PSMD8: variants seen among roughly 807,000 people sequenced by gnomAD.
PSMD8 encodes 26S proteasome non-ATPase regulatory subunit 8.
A neutral mutation model predicts 40.0 loss-of-function variants in PSMD8; 30 were observed. The observed-to-expected ratio is 0.75, with a 90% CI of 0.56 to 1.02. The LOEUF (loss-of-function observed/expected upper bound fraction) is 1.02, where lower values mean the gene tolerates loss of function less well. Among genes scored for constraint, PSMD8 ranks in the 50% least tolerant of loss-of-function variants. The pLI, the probability that PSMD8 is intolerant of heterozygous loss-of-function variation, is 0.00. For synonymous variants in PSMD8, 208 were observed against 192.5 expected, an observed-to-expected ratio of 1.08 and a Z score of -0.67; for missense variants, 461 against 463.9, an observed-to-expected ratio of 0.99 and a Z score of 0.06.
At chr19:38,379,103 C>G in intron 3 of PSMD8, 137 bp from the exon 4 acceptor site, 1 of 817,536 alleles carries the variant, frequency 1.2e-6, no homozygotes, top group Non-Finnish European at 1.9e-6. Flanking sequence ...GACACAGTTT[C>G]CTCATATGAA....
chr19:38,380,767 A>G (rs1970634042), intron 4 of PSMD8, 132 bp from the exon 5 acceptor site: 2 of 606,428 alleles, frequency 3.3e-6, no homozygotes, highest in Admixed American at 6.8e-5. Flanking sequence ...AAGAGGGGGT[A>G]CCCAGGGCAG....
chr19:38,375,274 C>T, intron 1 of PSMD8: 1 of 346,878 alleles, frequency 2.9e-6, no homozygotes, highest in Non-Finnish European at 5.3e-6. Flanking sequence ...GAGACTCTGT[C>T]TCTACATTTT....
Position 38,374,575 on chromosome 19 carries a change from G to A in PSMD8, c.-27G>A. On this transcript the variant is annotated 5_prime_UTR_variant, in exon 1 of 7. Transcript: ENST00000215071. ...CCAACTTCCGGTCACCATCTTGAGT[G>A]ACGACAGAGGCGGAGCTCCAACTGA... 6.9e-7 allele frequency: 1 copy of A among 1,441,246 alleles called. No individual in the cohort carries two copies. The highest frequency in any genetic ancestry group is 9.1e-7 in the Non-Finnish European group (1 of 1,100,646). 89.3% of individuals were successfully genotyped at this position (1,441,246 alleles called of 1,614,324 possible).
intron 6 of PSMD8, chr19:38,382,653 T>G: frequency 3.4e-6 from 1 of 293,068 alleles, no homozygotes; most frequent in Non-Finnish European, 6.3e-6. Context: ...TCCTCCCACC[T>G]AGGCTCACTC....
In PSMD8 at chr19:38,375,685, G is replaced by T. The variant is rs1006230591; in HGVS notation, c.361-475G>T. Among the ~76,000 whole-genome samples, 38 of 152,136 alleles carry T rather than the reference G, an allele frequency of 2.5e-4. 1 individual carries two copies. Among genetic ancestry groups the T allele is most frequent in the African/African-American group, 8.4e-4 (35 of 41,434 alleles). On this transcript the variant is annotated intron_variant, in intron 1 of 6. Transcript: ENST00000215071. ...AGAATACGGGGCCCAGAGTGCTTCA[G>T]ACCAAACATCTGTTGGGAGGGAGTG... is the stretch of plus-strand genomic sequence containing the variant.
Position 38,376,154 on chromosome 19 carries a change from C to T in PSMD8, c.361-6C>T, listed in dbSNP as rs1970595773. 1.9e-6 allele frequency: 3 copies of T among 1,599,002 alleles called. No homozygotes were observed. The highest frequency in any genetic ancestry group is 2.6e-6 in the Non-Finnish European group (3 of 1,169,002). ...TTCTTTCTTCCCTCCCTCCCCTCCC[C>T]ATCAGCTAGTTCTTCTGGAGCTCAA... On this transcript the variant is annotated splice_polypyrimidine_tract_variant and splice_region_variant and intron_variant, in intron 1 of 6. Transcript: ENST00000215071.
chr19:38,375,575 A>T (rs1461433922), intron 1 of PSMD8: 1 of 172,960 alleles, frequency 5.8e-6, no homozygotes, highest in Non-Finnish European at 1.3e-5. Context: ...TCTGGGGCTT[A>T]GGCTCGCATC....
At chr19:38,376,970 G>T (rs1361354021) in intron 3 of PSMD8, among the ~76,000 whole-genome samples, 1 of 152,232 alleles carries the variant, frequency 6.6e-6, no homozygotes, top group African/African-American at 2.4e-5. Context: ...TTACTGCTAT[G>T]TCCCTAGCAC....
rs1568386878 is a variant in PSMD8, at chr19:38,374,770, CT to C, written c.170del (p.Leu57ArgfsTer13). 6.4e-7 allele frequency: 1 copy of C among 1,566,612 alleles called. No individual in the cohort carries two copies. Among genetic ancestry groups the C allele is most frequent in the Non-Finnish European group, 8.6e-7 (1 of 1,161,086 alleles). On this transcript the variant is annotated frameshift_variant, in exon 1 of 7. Coordinates refer to ENST00000215071, the MANE Select transcript of PSMD8 (RefSeq NM_002812.5). LOFTEE classifies it high-confidence loss of function. ...GCGGCGCTGCCGTAAATCAGGCGGTCTGCTTGCCGCATCACGCAAGATGGCG... is the reference window on the plus strand; with the variant it reads ...GCGGCGCTGCCGTAAATCAGGCGGTCGCTTGCCGCATCACGCAAGATGGCG... Reference protein sequence around the residue: ...CRRRCRKSGGLLAASRKMAAA... With the variant: ...CRRRCRKSGGXLAASRKMAAA...
At position 38,374,899 on chromosome 19, in the gene PSMD8, G is replaced by A; in HGVS notation, c.298G>A (p.Gly100Ser). ...GACCGGCATGTACGAGCAACTCAAG[G>A]GCGAGTGGAACCGTAAAAGCCCCAA... Reference protein sequence around the residue: ...AATGMYEQLKGEWNRKSPNLS... With the variant: ...AATGMYEQLKSEWNRKSPNLS... Residue 100 changes from glycine (G) to serine (S), a missense_variant, in exon 1 of 7, where the codon GGC (glycine) becomes AGC (serine). Coordinates refer to ENST00000215071, the MANE Select transcript of PSMD8 (RefSeq NM_002812.5). 4 of 1,588,118 alleles carry A rather than the reference G, an allele frequency of 2.5e-6. No individual in the cohort carries two copies. The highest frequency in any genetic ancestry group is 3.4e-6 in the Non-Finnish European group (4 of 1,175,138).
At chr19:38,376,483 G>A in intron 3 of PSMD8, 29 bp downstream of exon 3, 3 of 1,517,028 alleles carry the variant, frequency 2.0e-6, no homozygotes, top group Non-Finnish European at 2.7e-6. Flanking sequence ...CCCAACTGGG[G>A]GGGTGGTTGC....
Position 38,380,919 on chromosome 19 carries a change from C to T in PSMD8, c.723C>T (p.Tyr241=). 6.3e-7 allele frequency: 1 copy of T among 1,579,650 alleles called. No homozygotes were observed. Among genetic ancestry groups the T allele is most frequent in the South Asian group, 1.2e-5 (1 of 86,606 alleles). ...SLEQYLMEGS[Y]NKVFLAKGNI... ...TGCAGTACCTGATGGAGGGCAGCTACAACAAAGTGTTCCTGGCCAAGGGTA... is the reference window on the plus strand; with the variant it reads ...TGCAGTACCTGATGGAGGGCAGCTATAACAAAGTGTTCCTGGCCAAGGGTA... Residue 241 remains tyrosine (Y), a synonymous_variant, in exon 5 of 7, where the codon TAC becomes TAT. Transcript: ENST00000215071.
chr19:38,379,917 C>T (rs182951649), intron 4 of PSMD8, among the ~76,000 whole-genome samples: 1 of 152,002 alleles, frequency 6.6e-6, no homozygotes, highest in Non-Finnish European at 1.5e-5. Context: ...GCTATGATCA[C>T]ACCACTGTAT....
In PSMD8 at chr19:38,382,138, C is replaced by G; in HGVS notation, c.825C>G (p.Ile275Met). 1 of 1,577,306 alleles carries G rather than the reference C, an allele frequency of 6.3e-7. No homozygotes were observed. The highest frequency in any genetic ancestry group is 8.6e-7 in the Non-Finnish European group (1 of 1,162,176). The change falls in exon 6 of 7, where the codon ATC (isoleucine) becomes ATG (methionine). Residue 275 changes from isoleucine to methionine, a missense_variant. By Grantham distance (10) the Ile-to-Met change is conservative. This residue lies in a region of PSMD8 where 236 missense variants were observed against 321.2 expected (regional missense o/e 0.73). Coordinates refer to ENST00000215071, the MANE Select transcript of PSMD8 (RefSeq NM_002812.5). ...CCAGGGATGAGATCGCTGGGTGCAT[C>G]GAGAAGGCCTACGAGAAAATCCTTT... ...DTIRDEIAGCIEKAYEKILFT... is the reference protein window; with the variant it reads ...DTIRDEIAGCMEKAYEKILFT...
rs780637835 is a variant in PSMD8, at chr19:38,383,349, C to G, written c.1012C>G (p.Gln338Glu). 6.2e-7 allele frequency: 1 copy of G among 1,613,924 alleles called. No homozygotes were observed. The highest frequency in any genetic ancestry group is 2.2e-5 in the East Asian group (1 of 44,884). ...CATTCCCTCCACAGAACTGGCCAAA[C>G]AGGTCATCGAGTATGCCCGGCAGCT... ...TTIPSTELAK[Q>E]VIEYARQLEM... The change falls in exon 7 of 7, where the codon CAG becomes GAG. Residue 338 changes from glutamine to glutamate, a missense_variant. Physicochemically the swap from Gln to Glu is conservative, Grantham distance 29. Transcript: ENST00000215071.
chr19:38,377,452 A>G (rs1970606994), intron 3 of PSMD8, among the ~76,000 whole-genome samples: 1 of 151,080 alleles, frequency 6.6e-6, no homozygotes, highest in Admixed American at 6.6e-5. Flanking sequence ...TTGGGCTCCC[A>G]GAGTGTTGGG....
chr19:38,376,089 C>T (rs373354649), intron 1 of PSMD8, 71 bp from the exon 2 acceptor site: 6 of 1,397,000 alleles, frequency 4.3e-6, no homozygotes, highest in South Asian at 2.5e-5. Context: ...AAGACCAGAG[C>T]GTAGAGCAGG....
intron 3 of PSMD8, 117 bp from the exon 4 acceptor site, chr19:38,379,122 AC>A: frequency 9.6e-7 from 1 of 1,038,204 alleles, no homozygotes; most frequent in Admixed American, 2.7e-5. Context: ...AAAACCCAGG[AC>A]CTGATACCTC....
In PSMD8 at chr19:38,383,278, A is replaced by T; in HGVS notation, c.941A>T (p.Asn314Ile). ...KKRGWVLGPN[N>I]YYSFASQQQK... is the part of the protein sequence containing the mutation. ...CGAGGGTGGGTCCTGGGCCCCAACA[A>T]CTACTACAGTTTTGCCAGCCAGCAG... is the stretch of plus-strand genomic sequence containing the variant. Residue 314 changes from asparagine (N) to isoleucine (I), a missense_variant, in exon 7 of 7, where the codon AAC becomes ATC. By Grantham distance (149) the Asn-to-Ile change is moderately radical. This residue lies in a region of PSMD8 where 236 missense variants were observed against 321.2 expected (regional missense o/e 0.73). Transcript: ENST00000215071. The T allele has an allele frequency of 6.2e-7, 1 of 1,613,024 alleles. No homozygotes were observed. Among genetic ancestry groups the T allele is most frequent in the East Asian group, 2.2e-5 (1 of 44,878 alleles).
Sources: allele counts gnomAD v4.1 joint callset (sites outside exome capture counted in the v4.1 genomes callset), GRCh38; gene constraint gnomAD v4.1.1; regional missense constraint gnomAD v4.1.1; transcripts MANE v1.5; gene names NCBI Gene and HGNC (gene_info 2026-07-23, HGNC 2026-07-21).